The following ADK variants were observed in gnomAD, a reference collection of about 807,000 sequenced individuals.
ADK encodes adenosine kinase.
Under a neutral mutation model 44.7 loss-of-function variants are expected in ADK, and 24 were observed. The observed-to-expected ratio is 0.54, with a 90% CI of 0.39 to 0.76. ADK has a LOEUF of 0.76. Ranked by LOEUF, ADK falls within the 30% of genes least tolerant of loss-of-function variation. The probability of loss-of-function intolerance (pLI) is 0.00; values close to 1 mark genes in which losing one functional copy is unlikely to be tolerated. For synonymous variants in ADK, 128 were observed against 142.6 expected, an observed-to-expected ratio of 0.90 and a Z score of 0.73; for missense variants, 321 against 425.1, an observed-to-expected ratio of 0.76 and a Z score of 2.15.
chr10:74,463,880 G>A (rs901382468), intron 6 of ADK, among the ~76,000 whole-genome samples: 3 of 151,950 alleles, frequency 2.0e-5, no homozygotes, highest in Admixed American at 2.0e-4. Flanking sequence ...TAAGGTGCAA[G>A]GAAATGTTAT....
At chr10:74,330,083 G>T (rs1841166910) in intron 4 of ADK, among the ~76,000 whole-genome samples, 1 of 152,142 alleles carries the variant, frequency 6.6e-6, no homozygotes, top group Non-Finnish European at 1.5e-5. Context: ...TGCAAGAATT[G>T]CTTGAGCCTG....
At chr10:74,496,828 AGTAC>A (rs1421987470) in intron 6 of ADK, among the ~76,000 whole-genome samples, 2 of 152,326 alleles carry the variant, frequency 1.3e-5, no homozygotes, top group East Asian at 3.9e-4. Flanking sequence ...AAAATTTGTC[AGTAC>A]TTAAAAATAG....
rs1184104251 is a variant in ADK, at chr10:74,370,670, GATT to G, written c.274-23468_274-23466del. On this transcript the variant is annotated intron_variant, in intron 4 of 10. Transcript: ENST00000539909. ...ATTGCTGGCAGTTTGAAATATGTGTGATTATGATAGAGTATTTAAAATATTTTA... is the reference window on the plus strand; with the variant it reads ...ATTGCTGGCAGTTTGAAATATGTGTGATGATAGAGTATTTAAAATATTTTA... Among the ~76,000 whole-genome samples, 6 of 151,936 alleles carry G rather than the reference GATT, an allele frequency of 3.9e-5. 1 individual carries two copies. The highest frequency in any genetic ancestry group is 3.3e-4 in the Admixed American group (5 of 15,256).
At chr10:74,633,639 C>G (rs550105966) in intron 9 of ADK, among the ~76,000 whole-genome samples, 3 of 152,234 alleles carry the variant, frequency 2.0e-5, no homozygotes, top group African/African-American at 7.2e-5. Context: ...AGGAATAGCT[C>G]ATGTCAGAAC....
At chr10:74,438,049 A>G (rs987471446) in intron 6 of ADK, among the ~76,000 whole-genome samples, 6 of 152,142 alleles carry the variant, frequency 3.9e-5, no homozygotes, top group Admixed American at 2.0e-4. Context: ...CTGGTTAGCT[A>G]TCTAAAGTAG....
chr10:74,475,170 C>G (rs142387186), intron 6 of ADK, among the ~76,000 whole-genome samples: 2,449 of 151,982 alleles, frequency 0.016, 34 homozygotes, highest in Non-Finnish European at 0.028. Flanking sequence ...AACAAAAAAC[C>G]CTTAATTGTC....
chr10:74,412,874 A>G (rs925290656), intron 6 of ADK, among the ~76,000 whole-genome samples: 1 of 152,166 alleles, frequency 6.6e-6, no homozygotes, highest in African/African-American at 2.4e-5. Context: ...CCTGGTCGAC[A>G]TGGTGAAACC....
intron 9 of ADK, among the ~76,000 whole-genome samples, chr10:74,625,029 A>C (rs1316626063): frequency 6.6e-6 from 1 of 152,132 alleles, no homozygotes; most frequent in Non-Finnish European, 1.5e-5. Context: ...AGCACAAATA[A>C]ATTCAATTCA....
intron 3 of ADK, among the ~76,000 whole-genome samples, chr10:74,300,113 G>A (rs1002289544): frequency 3.3e-5 from 5 of 150,614 alleles, no homozygotes; most frequent in Non-Finnish European, 7.4e-5. Context: ...TGAACTCCTG[G>A]ACTCATGTGA....
At chr10:74,505,694 G>A (rs975840415) in intron 6 of ADK, among the ~76,000 whole-genome samples, 2 of 151,966 alleles carry the variant, frequency 1.3e-5, no homozygotes, top group African/African-American at 4.8e-5. Context: ...CGTTTTCCAT[G>A]ATTTGATTCT....
At chr10:74,693,805 A>C (rs1345805828) in intron 10 of ADK, among the ~76,000 whole-genome samples, 2 of 152,210 alleles carry the variant, frequency 1.3e-5, no homozygotes, top group Admixed American at 6.5e-5. Flanking sequence ...GTGCTTGAGG[A>C]ATCTTCTAAG....
chr10:74,498,429 A>G (rs1363462656), intron 6 of ADK, among the ~76,000 whole-genome samples: 2 of 152,342 alleles, frequency 1.3e-5, no homozygotes, highest in East Asian at 1.9e-4. Context: ...GCTGTCTACT[A>G]TTCAACTCTT....
intron 9 of ADK, among the ~76,000 whole-genome samples, chr10:74,621,747 A>G (rs1200722223): frequency 6.6e-6 from 1 of 151,968 alleles, no homozygotes; most frequent in Admixed American, 6.5e-5. Context: ...ATAATTTTTT[A>G]TCAAATGTTA....
At chr10:74,219,341 C>T (rs927389430) in intron 2 of ADK, among the ~76,000 whole-genome samples, 7 of 151,910 alleles carry the variant, frequency 4.6e-5, no homozygotes, top group African/African-American at 1.5e-4. Context: ...TATATGCACC[C>T]AATACAGAAG....
chr10:74,698,901 C>T (rs916676591), intron 10 of ADK, among the ~76,000 whole-genome samples: 1 of 151,430 alleles, frequency 6.6e-6, no homozygotes, highest in African/African-American at 2.4e-5. Context: ...AACTAGAGTA[C>T]AGTAGGCTCA....
chr10:74,253,432 G>T (rs1199838707), intron 3 of ADK, among the ~76,000 whole-genome samples: 2 of 152,128 alleles, frequency 1.3e-5, no homozygotes, highest in Non-Finnish European at 2.9e-5. Context: ...ACTGGTGGGT[G>T]TGTCTGATGG....
In ADK at chr10:74,420,501, T is replaced by C. The variant is rs1844522163; in HGVS notation, c.555+21922T>C. 2.0e-5 allele frequency among the ~76,000 whole-genome samples: 3 copies of C among 152,148 alleles called. No homozygotes were observed. In the South Asian group the frequency reaches 6.2e-4, roughly 31 times the overall value. ...CTGTGGTTTTGTTTTTAATAAATAG[T>C]TTTGGCTTTATTTTAAACAATTAAA... On this transcript the variant is annotated intron_variant, in intron 6 of 10. Transcript: ENST00000539909.
At chr10:74,414,405 G>A (rs993961634) in intron 6 of ADK, among the ~76,000 whole-genome samples, 2 of 152,186 alleles carry the variant, frequency 1.3e-5, no homozygotes, top group Admixed American at 6.5e-5. Context: ...TTAGTAGGGA[G>A]AATCTTTGAT....
chr10:74,256,372 A>G (rs1050981259), intron 3 of ADK, among the ~76,000 whole-genome samples: 1 of 152,200 alleles, frequency 6.6e-6, no homozygotes, highest in Non-Finnish European at 1.5e-5. Context: ...ACTGATTGTT[A>G]TGATTTGATA....
Sources: gnomAD v4.1 joint callset for allele counts (sites outside exome capture counted in the v4.1 genomes callset) on GRCh38, gnomAD v4.1.1 for gene constraint, MANE v1.5 for transcripts, NCBI Gene and HGNC (gene_info 2026-07-23, HGNC 2026-07-21) for gene names.